Variants in ZC3HAV1 observed in about 807,000 individuals in gnomAD.
ZC3HAV1 encodes zinc finger CCCH-type containing, antiviral 1.
A neutral mutation model predicts 86.6 loss-of-function variants in ZC3HAV1; 41 were observed. The ratio of observed to expected loss-of-function variants is 0.47; its 90% CI spans 0.37 to 0.61. The LOEUF (loss-of-function observed/expected upper bound fraction) is 0.61. Ranked by LOEUF, ZC3HAV1 falls within the 20% of genes least tolerant of loss-of-function variation. ZC3HAV1 has a pLI of 0.00. For missense variants in ZC3HAV1, 964 were observed against 1,141.1 expected (o/e 0.84, Z 2.24); for synonymous variants, 421 against 432.1 (o/e 0.97, Z 0.32).
chr7:139,068,800 C>T (rs1816682611), intron 7 of ZC3HAV1, among the ~76,000 whole-genome samples: 1 of 152,186 alleles, frequency 6.6e-6, no homozygotes, highest in African/African-American at 2.4e-5. Flanking sequence ...TTGGTTCAGT[C>T]CACATCAGAG....
intron 1 of ZC3HAV1, among the ~76,000 whole-genome samples, chr7:139,097,417 TATATATATA>T (rs1817626815): frequency 3.7e-5 from 3 of 81,346 alleles, no homozygotes; most frequent in Non-Finnish European, 6.9e-5. Context: ...TATATATATA[TATATATATA>T]TATTTTTTTT....
Position 139,063,833 on chromosome 7 carries a change from C to T in ZC3HAV1, c.1993+1046G>A, listed in dbSNP as rs571757757. On this transcript the variant is annotated intron_variant, in intron 8 of 12. Transcript: ENST00000242351. ...CAAAATCTTTAACAAGTGCCAGATA[C>T]GCCACTGAAATTTAATACCCTAATT... Among the ~76,000 whole-genome samples, 16 of 151,838 alleles carry T rather than the reference C, an allele frequency of 1.1e-4. 1 individual carries two copies. Among genetic ancestry groups the T allele is most frequent in the African/African-American group, 3.1e-4 (13 of 41,376 alleles).
intron 5 of ZC3HAV1, among the ~76,000 whole-genome samples, chr7:139,077,381 T>A (rs2130702213): frequency 6.6e-6 from 1 of 152,270 alleles, no homozygotes; most frequent in East Asian, 1.9e-4. Context: ...GTAGCTGGGA[T>A]TACAGGCATG....
In ZC3HAV1 at chr7:139,108,536, TGCGGCTCGCTCCG is replaced by T. The variant is rs1818003814; in HGVS notation, c.308+475_308+487del. Among the ~76,000 whole-genome samples the T allele has an allele frequency of 6.6e-6, 1 of 152,062 alleles. No individual in the cohort carries two copies. Among genetic ancestry groups the T allele is most frequent in the Non-Finnish European group, 1.5e-5 (1 of 68,006 alleles). ...GAAGGGAGGGACAAGCAGAGAGACCTGCGGCTCGCTCCGGCGGAGACGGACCGGGGGCCCAGGG... is the reference window on the plus strand; with the variant it reads ...GAAGGGAGGGACAAGCAGAGAGACCTGCGGAGACGGACCGGGGGCCCAGGG... On this transcript the variant is annotated intron_variant, in intron 1 of 12. Transcript: ENST00000242351. The surrounding 1 kb of genome is among the most constrained non-coding windows in gnomAD (Gnocchi z 4.2).
At chr7:139,077,323 A>G (rs543117454) in intron 5 of ZC3HAV1, among the ~76,000 whole-genome samples, 5 of 152,308 alleles carry the variant, frequency 3.3e-5, no homozygotes, top group Admixed American at 1.3e-4. Context: ...GGCTCACTGC[A>G]ACCTCCACCT....
chr7:139,045,153 G>C lies in ZC3HAV1; in HGVS notation c.*2441C>G, dbSNP rs115581145. 6.6e-6 allele frequency: 1 copy of C among 152,070 alleles called. No homozygotes were observed. Among genetic ancestry groups the C allele is most frequent in the Non-Finnish European group, 1.5e-5 (1 of 68,014 alleles). 9.4% of individuals were successfully genotyped at this position (152,070 alleles called of 1,614,324 possible). A position where few individuals can be genotyped will look rare whatever the true frequency, so the allele number is the denominator to read the frequency against. ...TAATTTTTAATTTATTTCTAAAATT[G>C]TGTGTAGGTGGAGCATATTACCTCT... On this transcript the variant is annotated 3_prime_UTR_variant, in exon 13 of 13. Coordinates refer to ENST00000242351, the MANE Select transcript of ZC3HAV1 (RefSeq NM_020119.4).
chr7:139,107,401 A>G (rs563661600), intron 1 of ZC3HAV1, among the ~76,000 whole-genome samples: 35 of 152,382 alleles, frequency 2.3e-4, no homozygotes, highest in African/African-American at 7.0e-4. Flanking sequence ...TTTTAAAAAA[A>G]TACATTGCGT....
In ZC3HAV1 at chr7:139,054,113, T is replaced by C. The variant is rs767746007; in HGVS notation, c.2188-18A>G. 6.4e-7 allele frequency: 1 copy of C among 1,550,546 alleles called. No homozygotes were observed. ...TCTGACAACTAATAAAGTTTAAAAA[T>C]AGATAAATGTGAAATAGGAAACATT... On this transcript the variant is annotated intron_variant, in intron 10 of 12. Transcript: ENST00000242351.
At chr7:139,100,806 C>T (rs899932165) in intron 1 of ZC3HAV1, among the ~76,000 whole-genome samples, 1 of 149,936 alleles carries the variant, frequency 6.7e-6, no homozygotes, top group African/African-American at 2.5e-5. Flanking sequence ...CACGGTCTCC[C>T]TCTCCCTCTC....
At chr7:139,079,079 GC>G (rs1563133230) in intron 4 of ZC3HAV1, 1 of 1,535,090 alleles carries the variant, frequency 6.5e-7, no homozygotes, top group Admixed American at 2.0e-5. Flanking sequence ...AGACACAGAG[GC>G]CCCTTTGTCC....
intron 1 of ZC3HAV1, among the ~76,000 whole-genome samples, chr7:139,096,919 GCT>G (rs1817605359): frequency 1.3e-5 from 2 of 152,040 alleles, no homozygotes; most frequent in Non-Finnish European, 2.9e-5. Flanking sequence ...GATAGCTTGA[GCT>G]TAGGAATTCA....
chr7:139,095,089 G>T (rs908711910), intron 1 of ZC3HAV1, among the ~76,000 whole-genome samples: 1 of 150,714 alleles, frequency 6.6e-6, no homozygotes, highest in African/African-American at 2.4e-5. Context: ...CAAAAAGATC[G>T]TTGATTTGTA....
At chr7:139,100,825 G>GTCTCCC (rs1355115264) in intron 1 of ZC3HAV1, among the ~76,000 whole-genome samples, 4 of 150,108 alleles carry the variant, frequency 2.7e-5, no homozygotes, top group East Asian at 3.9e-4. Context: ...TCTTTCCACG[G>GTCTCCC]TCTCCCTCTC....
chr7:139,055,996 CTG>C (rs1816270077), intron 9 of ZC3HAV1, among the ~76,000 whole-genome samples: 1 of 152,228 alleles, frequency 6.6e-6, no homozygotes, highest in Non-Finnish European at 1.5e-5. Flanking sequence ...CAATCAGACA[CTG>C]TATATCTCTT....
intron 7 of ZC3HAV1, among the ~76,000 whole-genome samples, chr7:139,071,166 G>A (rs1004144599): frequency 6.1e-5 from 9 of 147,978 alleles, no homozygotes; most frequent in Non-Finnish European, 8.9e-5. Context: ...GCACAGTCTC[G>A]GGTCACTGCA....
intron 6 of ZC3HAV1, among the ~76,000 whole-genome samples, chr7:139,075,379 TA>T (rs1478804179): frequency 1.3e-5 from 2 of 152,202 alleles, no homozygotes; most frequent in Non-Finnish European, 2.9e-5. Flanking sequence ...ACACCATAGA[TA>T]AATACGGTCA....
At chr7:139,076,108 T>C (rs562035122) in intron 6 of ZC3HAV1, among the ~76,000 whole-genome samples, 178 bp downstream of exon 6, 2 of 152,342 alleles carry the variant, frequency 1.3e-5, no homozygotes, top group South Asian at 2.1e-4. Context: ...CCCACCCAGC[T>C]GTGGTTTTCC....
At chr7:139,097,420 A>ATTTTTTT (rs1563140627) in intron 1 of ZC3HAV1, among the ~76,000 whole-genome samples, 4 of 79,168 alleles carry the variant, frequency 5.1e-5, no homozygotes, top group African/African-American at 3.1e-4. Context: ...ATATATATAT[A>ATTTTTTT]TATATATATT....
rs1187300879 is a variant in ZC3HAV1 at position 139,074,004 on chromosome 7, T to C, written c.1724A>G (p.Asn575Ser). 6 of 1,612,964 alleles carry C rather than the reference T, an allele frequency of 3.7e-6. No homozygotes were observed. The highest frequency in any genetic ancestry group is 1.7e-5 in the Admixed American group (1 of 59,954). The change falls in exon 7 of 13, where the codon AAT (asparagine) becomes AGT (serine). Residue 575 changes from asparagine to serine, a missense_variant. Physicochemically the swap from Asn to Ser is conservative, Grantham distance 46. Coordinates refer to ENST00000242351, the MANE Select transcript of ZC3HAV1 (RefSeq NM_020119.4). ...GGAATCACAACTCATTACCCGAAAA[T>C]TGATTGTATAACTTCCTACAGAACA... ...HLCSVGSYTI[N>S]FRVMSCDSFP...
Sources: allele counts gnomAD v4.1 joint callset (sites outside exome capture counted in the v4.1 genomes callset), GRCh38; gene constraint gnomAD v4.1.1; non-coding constraint Gnocchi (gnomAD v3.1); transcripts MANE v1.5; gene names NCBI Gene and HGNC (gene_info 2026-07-23, HGNC 2026-07-21).